Variants in LYG1 observed in about 807,000 individuals in gnomAD.
The protein encoded by LYG1 is lysozyme g-like protein 1.
In LYG1, 17 loss-of-function variants were observed where a neutral mutation model predicts 21.7. The observed-to-expected ratio is 0.78, with a 90% confidence interval of 0.54 to 1.18. LYG1 has a LOEUF of 1.18. Among genes scored for constraint, LYG1 ranks in the 50% most tolerant of loss-of-function variants. LYG1 has a pLI of 0.00. For missense variants in LYG1, 211 were observed against 238.1 expected, an observed-to-expected ratio of 0.89 and a Z score of 0.75; for synonymous variants, 81 against 87.4, an observed-to-expected ratio of 0.93 and a Z score of 0.41.
In LYG1 at chr2:99,291,482, A is replaced by G. The variant is rs1030663773; in HGVS notation, c.149-61T>C. ...GTGACTTATGCTGCAACAGGAGCTCAAGGGGAGAGAGAAAGAACAATCCAA... is the reference window on the plus strand; with the variant it reads ...GTGACTTATGCTGCAACAGGAGCTCGAGGGGAGAGAGAAAGAACAATCCAA... On this transcript the variant is annotated intron_variant, in intron 4 of 6. Transcript: ENST00000308528. 13 of 1,522,834 alleles carry G rather than the reference A, an allele frequency of 8.5e-6. No homozygotes were observed. The Admixed American group carries it at 2.4e-4, about 28-fold the overall frequency. The allele number at this position is 1,522,834 out of a possible 1,614,324, so 94.3% of individuals were successfully genotyped here. A position where few individuals can be genotyped will look rare whatever the true frequency, so the allele number is the denominator to read the frequency against.
intron 5 of LYG1, among the ~76,000 whole-genome samples, chr2:99,287,819 ATTTC>A (rs1243013690): frequency 2.0e-5 from 3 of 151,998 alleles, no homozygotes; most frequent in Non-Finnish European, 2.9e-5. Flanking sequence ...ATTTTTGAGG[ATTTC>A]TTTAATAGAT....
chr2:99,294,704 G>A (rs1213575185), intron 3 of LYG1, among the ~76,000 whole-genome samples: 1 of 152,174 alleles, frequency 6.6e-6, no homozygotes, highest in Non-Finnish European at 1.5e-5. Flanking sequence ...TTTGTTGAAT[G>A]AATGGGTCAA....
intron 3 of LYG1, among the ~76,000 whole-genome samples, chr2:99,293,238 C>T (rs924102689): frequency 1.3e-5 from 2 of 152,158 alleles, no homozygotes; most frequent in Middle Eastern, 3.4e-3. Context: ...GTGATCCGCC[C>T]GCCTCGGCCT....
At position 99,284,551 on chromosome 2, in the gene LYG1, T is replaced by G. The variant is rs760108644; in HGVS notation, c.467-40A>C. The G allele has an allele frequency of 3.1e-5, 50 of 1,603,280 alleles. 1 individual carries two copies. In the South Asian group the frequency reaches 5.0e-4, roughly 16 times the overall value. ...ATAGGTTAATGCTGACCTAGGGTAC[T>G]CAGCAGTTAACTCTGATTCTCTTTA... On this transcript the variant is annotated intron_variant, in intron 6 of 6. Transcript: ENST00000308528.
chr2:99,303,185 G>A (rs2094159409), upstream of LYG1, among the ~76,000 whole-genome samples: 1 of 152,106 alleles, frequency 6.6e-6, no homozygotes, highest in Admixed American at 6.6e-5. Context: ...GTTGTTGGCA[G>A]AGTTGGGGTA....
upstream of LYG1, among the ~76,000 whole-genome samples, chr2:99,302,763 A>T (rs1025617884): frequency 1.3e-5 from 2 of 152,162 alleles, no homozygotes; most frequent in African/African-American, 4.8e-5. Context: ...TCACGTCTGT[A>T]ATCCCAGCGC....
At chr2:99,291,194 C>T in intron 5 of LYG1, 43 bp downstream of exon 5, 1 of 1,587,410 alleles carries the variant, frequency 6.3e-7, no homozygotes. Context: ...GCAGTGGTGC[C>T]ACATAGCAGA....
At chr2:99,297,256 T>A (rs886565167) in intron 2 of LYG1, among the ~76,000 whole-genome samples, 1 of 152,208 alleles carries the variant, frequency 6.6e-6, no homozygotes, top group Non-Finnish European at 1.5e-5. Context: ...GAGTCATTTA[T>A]TCAGCATCCT....
chr2:99,284,710 C>T lies in LYG1; in HGVS notation c.444G>A (p.Trp148Ter), dbSNP rs2094092580. The change falls in exon 6 of 7, where the codon TGG becomes TGA. Residue 148 changes from tryptophan (W) to a stop codon, truncating the protein, a stop_gained. Coordinates refer to ENST00000308528, the MANE Select transcript of LYG1 (RefSeq NM_174898.3). LOFTEE classifies it high-confidence loss of function. ...IKEIQRRFPTWTPDQYLRGGL... is the reference protein window; with the variant it reads ...IKEIQRRFPT ...TACCTCTCAGGTACTGGTCAGGGGT[C>T]CAGGTTGGAAACCTCCTCTGGATTT... The T allele has an allele frequency of 1.9e-6, 3 of 1,614,046 alleles. No homozygotes were observed. Among genetic ancestry groups the T allele is most frequent in the South Asian group, 2.2e-5 (2 of 91,090 alleles).
At chr2:99,298,159 CAA>C (rs1400892989) in intron 2 of LYG1, among the ~76,000 whole-genome samples, 3 of 152,216 alleles carry the variant, frequency 2.0e-5, no homozygotes, top group Non-Finnish European at 4.4e-5. Context: ...CGGGTGTGCT[CAA>C]AGAGTGTCTG....
Position 99,284,575 on chromosome 2 carries a change from T to TACTA in LYG1, c.467-68_467-65dup, listed in dbSNP as rs1314383288. The TACTA allele has an allele frequency of 8.2e-6, 13 of 1,594,682 alleles. No individual in the cohort carries two copies. In the African/African-American group the frequency reaches 1.7e-4, roughly 21 times the overall value. The stretch of plus-strand genomic sequence containing the variant: ...CTCAGCAGTTAACTCTGATTCTCTT[T>TACTA]ACTAACTACCTAACAGGAGGCAGCT... On this transcript the variant is annotated intron_variant, in intron 6 of 6. Coordinates refer to ENST00000308528, the MANE Select transcript of LYG1 (RefSeq NM_174898.3).
At chr2:99,291,450 G>A (rs1460294510) in intron 4 of LYG1, 29 bp from the exon 5 acceptor site, 2 of 1,609,956 alleles carry the variant, frequency 1.2e-6, no homozygotes, top group South Asian at 1.1e-5. Context: ...GAATGATGCA[G>A]CTTGTTGTGA....
chr2:99,284,353 G>A lies in LYG1; in HGVS notation c.*40C>T. 1.3e-6 allele frequency: 2 copies of A among 1,563,378 alleles called. No individual in the cohort carries two copies. The highest frequency in any genetic ancestry group is 1.8e-6 in the Non-Finnish European group (2 of 1,136,570). On this transcript the variant is annotated 3_prime_UTR_variant, in exon 7 of 7. Coordinates refer to ENST00000308528, the MANE Select transcript of LYG1 (RefSeq NM_174898.3). ...TAGTTTTATCTGTGTAACATTTGAGGCTGCATATGTGATCATGGTCTTGGG... is the reference window on the plus strand; with the variant it reads ...TAGTTTTATCTGTGTAACATTTGAGACTGCATATGTGATCATGGTCTTGGG...
intron 1 of LYG1, among the ~76,000 whole-genome samples, chr2:99,299,766 ATT>A (rs1262334062): frequency 2.6e-5 from 4 of 151,030 alleles, no homozygotes; most frequent in African/African-American, 9.7e-5. Flanking sequence ...AATTTTTTTA[ATT>A]TTTGTTTTTT....
upstream of LYG1, among the ~76,000 whole-genome samples, chr2:99,301,396 A>G (rs1233568042): frequency 9.3e-4 from 140 of 149,832 alleles, no homozygotes; most frequent in Non-Finnish European, 1.8e-3. Flanking sequence ...AGGAAGGAAG[A>G]GAGAGAGAAA....
chr2:99,284,737 T>G lies in LYG1; in HGVS notation c.417A>C (p.Lys139Asn). 1 of 1,614,174 alleles carries G rather than the reference T, an allele frequency of 6.2e-7. No homozygotes were observed. Among genetic ancestry groups the G allele is most frequent in the Non-Finnish European group, 8.5e-7 (1 of 1,180,040 alleles). The stretch of plus-strand genomic sequence containing the variant: ...AGGTTGGAAACCTCCTCTGGATTTC[T>G]TTGATTCTAGTAGTCAGAACTTCAG... ...QTTEVLTTRI[K>N]EIQRRFPTWT... The change falls in exon 6 of 7, where the codon AAA becomes AAC. Residue 139 changes from lysine (K) to asparagine (N), a missense_variant. Coordinates refer to ENST00000308528, the MANE Select transcript of LYG1 (RefSeq NM_174898.3).
chr2:99,304,425 C>G (rs1474734583), upstream of LYG1, among the ~76,000 whole-genome samples: 1 of 152,224 alleles, frequency 6.6e-6, no homozygotes, highest in Non-Finnish European at 1.5e-5. Flanking sequence ...TGTTAAACCT[C>G]TTGCTTTTGT....
At chr2:99,289,819 C>T (rs2094113096) in intron 5 of LYG1, among the ~76,000 whole-genome samples, 1 of 151,632 alleles carries the variant, frequency 6.6e-6, no homozygotes, top group Non-Finnish European at 1.5e-5. Context: ...GAGAAATGTC[C>T]AAATCTAGAG....
chr2:99,297,412 C>T (rs1020866506), intron 2 of LYG1, among the ~76,000 whole-genome samples: 7 of 152,204 alleles, frequency 4.6e-5, no homozygotes, highest in Admixed American at 3.9e-4. Flanking sequence ...AAGCACTGCT[C>T]ACATTCAAAT....
Sources: allele counts gnomAD v4.1 joint callset (sites outside exome capture counted in the v4.1 genomes callset), GRCh38; gene constraint gnomAD v4.1.1; transcripts MANE v1.5; gene names NCBI Gene and HGNC (gene_info 2026-07-23, HGNC 2026-07-21).